The following DGLUCY variants were observed in gnomAD, a reference collection of about 807,000 sequenced individuals.
DGLUCY encodes D-glutamate cyclase.
A neutral mutation model predicts 58.5 loss-of-function variants in DGLUCY; 58 were observed. The observed-to-expected ratio is 0.99, with a 90% CI of 0.80 to 1.23. The LOEUF is 1.23. DGLUCY is among the 50% of genes most tolerant of loss of function. The pLI is 0.00. For missense variants in DGLUCY, 779 were observed against 784.7 expected, an observed-to-expected ratio of 0.99 and a Z score of 0.09; for synonymous variants, 325 against 314.1, an observed-to-expected ratio of 1.03 and a Z score of -0.37.
intron 1 of DGLUCY, among the ~76,000 whole-genome samples, chr14:91,146,510 A>G (rs2047021156): frequency 1.3e-5 from 2 of 152,080 alleles, no homozygotes; most frequent in African/African-American, 4.8e-5. Context: ...TCCCGAAAAC[A>G]TCTCATATGG....
At chr14:91,125,610 C>T (rs2045627055) in intron 1 of DGLUCY, 1 of 152,206 alleles carries the variant, frequency 6.6e-6, no homozygotes, top group Non-Finnish European at 1.5e-5. Flanking sequence ...GTCCCTGTGT[C>T]TAGCAGTTTC....
chr14:91,101,177 G>A (rs770647813), intron 1 of DGLUCY, among the ~76,000 whole-genome samples: 11 of 152,166 alleles, frequency 7.2e-5, no homozygotes, highest in Admixed American at 1.3e-4. Context: ...GATCAGTGGG[G>A]TAACTATGTT....
intron 9 of DGLUCY, among the ~76,000 whole-genome samples, chr14:91,191,972 A>G (rs1247736434): frequency 2.0e-5 from 3 of 152,196 alleles, no homozygotes; most frequent in Admixed American, 2.0e-4. Context: ...GGCTCAAACA[A>G]TTAAAAACAG....
intron 1 of DGLUCY, among the ~76,000 whole-genome samples, chr14:91,099,345 C>T (rs2044446042): frequency 6.6e-6 from 1 of 151,966 alleles, no homozygotes; most frequent in African/African-American, 2.4e-5. Context: ...CCAGCCTGGC[C>T]AACATGGTGA....
At chr14:91,111,276 A>ATC (rs1460593489), upstream of DGLUCY, among the ~76,000 whole-genome samples, 1 of 56,046 alleles carries the variant, frequency 1.8e-5, no homozygotes, top group African/African-American at 4.0e-5. Flanking sequence ...ATATCTATCT[A>ATC]TATATATATA....
At chr14:91,105,362 A>G (rs1386296671), upstream of DGLUCY, among the ~76,000 whole-genome samples, 3 of 152,194 alleles carry the variant, frequency 2.0e-5, no homozygotes, top group Non-Finnish European at 4.4e-5. Flanking sequence ...TTTTCACCAG[A>G]CAACTCAAGA....
At chr14:91,208,732 G>A (rs1885176762) in intron 12 of DGLUCY, among the ~76,000 whole-genome samples, 1 of 152,120 alleles carries the variant, frequency 6.6e-6, no homozygotes, top group African/African-American at 2.4e-5. Context: ...CTGGGTGACA[G>A]AGTCAGACCC....
At chr14:91,120,288 C>T (rs1239647612) in intron 1 of DGLUCY, among the ~76,000 whole-genome samples, 1 of 152,186 alleles carries the variant, frequency 6.6e-6, no homozygotes, top group Non-Finnish European at 1.5e-5. Context: ...GTCTCACAGG[C>T]TCCTCCTACT....
At chr14:91,167,650 C>T (rs1301297570) in intron 4 of DGLUCY, 1 of 705,044 alleles carries the variant, frequency 1.4e-6, no homozygotes, top group African/African-American at 1.7e-5. Context: ...GCCATCTGTC[C>T]ACTCCATCGC....
At chr14:91,065,431 C>T (rs2043804182) in intron 1 of DGLUCY, among the ~76,000 whole-genome samples, 2 of 152,086 alleles carry the variant, frequency 1.3e-5, no homozygotes, top group African/African-American at 4.8e-5. Context: ...GGATGGAGTC[C>T]AAGGAGTTGG....
intron 1 of DGLUCY, among the ~76,000 whole-genome samples, chr14:91,075,954 A>C (rs1248094712): frequency 1.3e-5 from 2 of 152,078 alleles, no homozygotes; most frequent in African/African-American, 2.4e-5. Context: ...CTCTACTACA[A>C]ATACAAAAAT....
At chr14:91,197,662 C>T (rs993418939) in intron 10 of DGLUCY, among the ~76,000 whole-genome samples, 2 of 152,236 alleles carry the variant, frequency 1.3e-5, no homozygotes, top group Admixed American at 1.3e-4. Flanking sequence ...CCTTTTGTGA[C>T]TGCTTATTTC....
At chr14:91,200,625 G>A (rs2050494296) in intron 11 of DGLUCY, among the ~76,000 whole-genome samples, 2 of 151,802 alleles carry the variant, frequency 1.3e-5, no homozygotes, top group African/African-American at 4.8e-5. Flanking sequence ...TGCCCAGGCT[G>A]GAGTGCAGTG....
chr14:91,172,555 T>C (rs2048625173), intron 5 of DGLUCY, among the ~76,000 whole-genome samples: 1 of 152,194 alleles, frequency 6.6e-6, no homozygotes, highest in South Asian at 2.1e-4. Flanking sequence ...TCCTATATGC[T>C]GATCACTACT....
intron 13 of DGLUCY, among the ~76,000 whole-genome samples, chr14:91,219,670 C>G (rs149041871): frequency 6.6e-6 from 1 of 152,316 alleles, no homozygotes; most frequent in African/African-American, 2.4e-5. Flanking sequence ...CTGGGCACAC[C>G]CTGCCCACTC....
chr14:91,192,095 G>T (rs936160004), intron 9 of DGLUCY, among the ~76,000 whole-genome samples: 1 of 152,182 alleles, frequency 6.6e-6, no homozygotes, highest in African/African-American at 2.4e-5. Context: ...ATTTGCGACA[G>T]TCATGAGGTG....
At chr14:91,139,721 C>T (rs947109877) in intron 1 of DGLUCY, among the ~76,000 whole-genome samples, 2 of 152,150 alleles carry the variant, frequency 1.3e-5, no homozygotes, top group African/African-American at 4.8e-5. Flanking sequence ...TCTGTGCACC[C>T]TGTGATACAA....
intron 13 of DGLUCY, among the ~76,000 whole-genome samples, chr14:91,218,404 ATTT>A (rs35615811): frequency 6.9e-6 from 1 of 145,984 alleles, no homozygotes; most frequent in Non-Finnish European, 1.5e-5. Context: ...TAAAATGGGG[ATTT>A]TTTTTTTTTT....
intron 1 of DGLUCY, among the ~76,000 whole-genome samples, chr14:91,092,764 C>T (rs1013745809): frequency 2.0e-5 from 3 of 152,136 alleles, no homozygotes; most frequent in East Asian, 1.9e-4. Flanking sequence ...CATCTCTCTG[C>T]GGCTATCCAA....
Sources: allele counts gnomAD v4.1 joint callset (sites outside exome capture counted in the v4.1 genomes callset), GRCh38; gene constraint gnomAD v4.1.1; transcripts MANE v1.5; gene names NCBI Gene and HGNC (gene_info 2026-07-23, HGNC 2026-07-21).